CHODL: variants seen among roughly 807,000 people sequenced by gnomAD.
CHODL encodes the protein chondrolectin, also known as transmembrane protein MT75.
In CHODL, 29 loss-of-function variants were observed where a neutral mutation model predicts 34.5. That is an observed-to-expected ratio of 0.84 (90% CI 0.63 to 1.15). The LOEUF (loss-of-function observed/expected upper bound fraction) is 1.15. Ranked by LOEUF, CHODL falls within the 50% of genes most tolerant of loss-of-function variation. The probability of loss-of-function intolerance (pLI) is 0.00; values close to 1 mark genes in which losing one functional copy is unlikely to be tolerated. For synonymous variants in CHODL, 125 were observed against 116.1 expected (o/e 1.08, Z -0.49); for missense variants, 332 against 332.5 (o/e 1.00, Z 0.01).
At chr21:18,120,925 T>C (rs1310384165) in intron 2 of CHODL, among the ~76,000 whole-genome samples, 2 of 152,070 alleles carry the variant, frequency 1.3e-5, no homozygotes, top group East Asian at 3.9e-4. Context: ...TTTTCAAGCT[T>C]AGGGAAGATG....
At chr21:18,105,563 T>A (rs557187934) in intron 2 of CHODL, among the ~76,000 whole-genome samples, 1 of 152,262 alleles carries the variant, frequency 6.6e-6, no homozygotes, top group East Asian at 1.9e-4. Flanking sequence ...AGGGAAGTGG[T>A]AGCAGTGGTT....
intron 2 of CHODL, among the ~76,000 whole-genome samples, chr21:18,038,077 T>C (rs1263106661): frequency 6.6e-6 from 1 of 151,756 alleles, no homozygotes; most frequent in African/African-American, 2.4e-5. Flanking sequence ...TGGTACTTTC[T>C]CTTTTGGTGA....
chr21:18,232,917 AAT>A (rs2146757589), intron 2 of CHODL, among the ~76,000 whole-genome samples: 1 of 139,234 alleles, frequency 7.2e-6, no homozygotes, highest in South Asian at 2.2e-4. Flanking sequence ...TGGTCCATAT[AAT>A]TATGGGGTCC....
At chr21:18,241,090 G>A (rs1431661371), upstream of CHODL, among the ~76,000 whole-genome samples, 5 of 152,074 alleles carry the variant, frequency 3.3e-5, no homozygotes, top group Non-Finnish European at 7.4e-5. Context: ...TTTGAAAAGA[G>A]CAAGTAAATC....
intron 1 of CHODL, among the ~76,000 whole-genome samples, chr21:17,961,648 A>C (rs2063533001): frequency 6.6e-6 from 1 of 152,218 alleles, no homozygotes; most frequent in Admixed American, 6.5e-5. Flanking sequence ...CTGAATGGTG[A>C]TTGTTAATCC....
At chr21:18,167,227 GT>G (rs1568919656) in intron 2 of CHODL, among the ~76,000 whole-genome samples, 53 of 149,812 alleles carry the variant, frequency 3.5e-4, no homozygotes, top group Admixed American at 2.1e-3. Flanking sequence ...GTGTGTGTGT[GT>G]GTGTGTGTGT....
At chr21:18,226,762 A>G (rs2073934885) in intron 2 of CHODL, among the ~76,000 whole-genome samples, 1 of 152,156 alleles carries the variant, frequency 6.6e-6, no homozygotes, top group Admixed American at 6.6e-5. Context: ...AAGTAAATAT[A>G]TGGATTAATA....
chr21:18,016,801 G>A (rs764519333), intron 1 of CHODL, among the ~76,000 whole-genome samples: 3 of 152,238 alleles, frequency 2.0e-5, no homozygotes, highest in Non-Finnish European at 2.9e-5. Flanking sequence ...AGCCACAGAG[G>A]CAGAGCTGCC....
chr21:18,246,029 C>G, intron 1 of CHODL: 1 of 1,148,724 alleles, frequency 8.7e-7, no homozygotes, highest in Non-Finnish European at 1.3e-6. Context: ...AATTGGCAAG[C>G]TTCCCAGGTT....
intron 2 of CHODL, among the ~76,000 whole-genome samples, chr21:18,099,113 G>A (rs1371654968): frequency 6.6e-6 from 1 of 151,848 alleles, no homozygotes; most frequent in Non-Finnish European, 1.5e-5. Flanking sequence ...TAGGGGTTGG[G>A]GTTGGTTAGT....
chr21:18,001,144 G>T (rs1345287776), intron 1 of CHODL, among the ~76,000 whole-genome samples: 2 of 152,202 alleles, frequency 1.3e-5, no homozygotes, highest in Non-Finnish European at 2.9e-5. Flanking sequence ...TGGAACCACA[G>T]GACTTGAGGC....
At chr21:17,984,400 C>A (rs158008) in intron 1 of CHODL, among the ~76,000 whole-genome samples, 1 of 151,952 alleles carries the variant, frequency 6.6e-6, no homozygotes, top group Non-Finnish European at 1.5e-5. Context: ...ATTGGGATTG[C>A]GGGATCATAT....
chr21:18,099,327 C>T (rs2065182040), intron 2 of CHODL, among the ~76,000 whole-genome samples: 1 of 151,778 alleles, frequency 6.6e-6, no homozygotes, highest in African/African-American at 2.4e-5. Flanking sequence ...CATGCCTTTA[C>T]CAAAACACCT....
chr21:18,088,259 C>T (rs73310434), intron 2 of CHODL, among the ~76,000 whole-genome samples: 2,302 of 152,270 alleles, frequency 0.015, 58 homozygotes, highest in African/African-American at 0.051. Flanking sequence ...GCAGTCTTCT[C>T]ATGTCTCAGT....
intron 1 of CHODL, among the ~76,000 whole-genome samples, chr21:17,999,052 C>T (rs1381222833): frequency 6.6e-6 from 1 of 152,148 alleles, no homozygotes; most frequent in Non-Finnish European, 1.5e-5. Flanking sequence ...ATGCTTTTGA[C>T]AGCACCCAAG....
chr21:18,228,796 G>A (rs1377726278), intron 2 of CHODL, among the ~76,000 whole-genome samples: 1 of 152,152 alleles, frequency 6.6e-6, no homozygotes, highest in Admixed American at 6.6e-5. Flanking sequence ...AACTAAAAGT[G>A]TTGACATAAT....
intron 1 of CHODL, among the ~76,000 whole-genome samples, chr21:17,972,328 A>G (rs527734482): frequency 8.5e-5 from 13 of 152,322 alleles, no homozygotes; most frequent in African/African-American, 3.1e-4. Flanking sequence ...AGGGTATTCA[A>G]ATAGGAAAAG....
At chr21:18,052,797 C>G (rs1450347238) in intron 2 of CHODL, among the ~76,000 whole-genome samples, 1 of 152,004 alleles carries the variant, frequency 6.6e-6, no homozygotes, top group African/African-American at 2.4e-5. Context: ...AAAGACACTT[C>G]CTGAAATATG....
chr21:18,071,903 G>A (rs1600966478), intron 2 of CHODL, among the ~76,000 whole-genome samples: 2 of 152,048 alleles, frequency 1.3e-5, no homozygotes, highest in South Asian at 4.2e-4. Flanking sequence ...TTTCCACTCT[G>A]CTGGTCTGTG....
Sources: allele counts gnomAD v4.1 joint callset (sites outside exome capture counted in the v4.1 genomes callset), GRCh38; gene constraint gnomAD v4.1.1; transcripts MANE v1.5; gene names NCBI Gene and HGNC (gene_info 2026-07-23, HGNC 2026-07-21).